The following UPF1 variants were observed in gnomAD, a reference collection of about 807,000 sequenced individuals.
UPF1 encodes the protein regulator of nonsense transcripts 1.
Under a neutral mutation model 129.2 loss-of-function variants are expected in UPF1, and 9 were observed. The observed-to-expected ratio is 0.07, with a 90% CI of 0.04 to 0.12. The LOEUF (loss-of-function observed/expected upper bound fraction) is 0.12, where lower values mean the gene tolerates loss of function less well. Ranked by LOEUF, UPF1 falls within the 10% of genes least tolerant of loss-of-function variation. UPF1 has a pLI of 1.00. For missense variants in UPF1, 788 were observed against 1,525.3 expected (o/e 0.52, Z 8.05); for synonymous variants, 649 against 644.9 (o/e 1.01, Z -0.10).
chr19:18,843,639 A>T (rs918959845), intron 1 of UPF1, among the ~76,000 whole-genome samples: 14 of 143,726 alleles, frequency 9.7e-5, no homozygotes, highest in African/African-American at 3.2e-4. Flanking sequence ...CTGCACGGGG[A>T]TTACAGGTGC....
In UPF1 at chr19:18,860,424, C is replaced by T. The variant is rs1323839352; in HGVS notation, c.2286C>T (p.Thr762=). 7 of 1,614,042 alleles carry T rather than the reference C, an allele frequency of 4.3e-6. No homozygotes were observed. Among genetic ancestry groups the T allele is most frequent in the Non-Finnish European group, 5.9e-6 (7 of 1,180,016 alleles). The change falls in exon 16 of 24, where the codon ACC becomes ACT. Residue 762 remains threonine (T), a synonymous_variant. Transcript: ENST00000262803. ...AAGAGGAGATTGCCAGCTCGGGCAC[C>T]TCCTACCTGAACAGGTGAGCAGGGA... is the stretch of plus-strand genomic sequence containing the variant. The part of the protein sequence containing the change: ...QGQEEIASSG[T]SYLNRTEAAN...
intron 1 of UPF1, among the ~76,000 whole-genome samples, chr19:18,836,998 C>T (rs2055490600): frequency 6.6e-6 from 1 of 151,994 alleles, no homozygotes; most frequent in South Asian, 2.1e-4. Flanking sequence ...GTGTTCCGCC[C>T]TCCTCTACCT....
chr19:18,840,895 G>A (rs1293036507), intron 1 of UPF1, among the ~76,000 whole-genome samples: 1 of 152,244 alleles, frequency 6.6e-6, no homozygotes, highest in Non-Finnish European at 1.5e-5. Flanking sequence ...CCTTTGCCAG[G>A]ATGGTGTCTA....
chr19:18,864,048 G>A (rs2055811547), intron 19 of UPF1, 122 bp from the exon 20 acceptor site: 2 of 841,450 alleles, frequency 2.4e-6, no homozygotes, highest in Non-Finnish European at 4.0e-6. Context: ...TCCAGGGAGA[G>A]CCCCTGGCAC....
intron 1 of UPF1, among the ~76,000 whole-genome samples, chr19:18,833,777 C>T (rs996254729): frequency 6.6e-6 from 1 of 152,190 alleles, no homozygotes; most frequent in Non-Finnish European, 1.5e-5. Context: ...GGAACCACTC[C>T]TTGCTCATCC....
chr19:18,836,972 T>A (rs2055490306), intron 1 of UPF1, among the ~76,000 whole-genome samples: 1 of 151,938 alleles, frequency 6.6e-6, no homozygotes, highest in African/African-American at 2.4e-5. Context: ...CAGGATGGTC[T>A]TGATCTCCTG....
intron 18 of UPF1, chr19:18,862,880 C>T (rs2055796055): frequency 6.5e-6 from 1 of 152,734 alleles, no homozygotes; most frequent in Admixed American, 6.5e-5. Context: ...CATTCACCAG[C>T]TGGAAGTTGG....
chr19:18,847,274 A>G (rs2055610705), intron 2 of UPF1, among the ~76,000 whole-genome samples: 1 of 152,208 alleles, frequency 6.6e-6, no homozygotes. Flanking sequence ...AACCACAGCC[A>G]GTGGTGGGGT....
In UPF1 at chr19:18,866,747, G is replaced by A. The variant is rs1300729503; in HGVS notation, c.*230G>A. The A allele has an allele frequency of 6.6e-6, 1 of 152,506 alleles. No homozygotes were observed. Among genetic ancestry groups the A allele is most frequent in the Admixed American group, 6.5e-5 (1 of 15,294 alleles). 9.4% of individuals were successfully genotyped at this position (152,506 alleles called of 1,614,324 possible). A position where few individuals can be genotyped will look rare whatever the true frequency, so the allele number is the denominator to read the frequency against. On this transcript the variant is annotated 3_prime_UTR_variant, in exon 24 of 24. Transcript: ENST00000262803. Reference sequence around the variant, plus strand: ...GAGCGGAGGAGGGGCCGGCCCGCGGGAGCCGCGGCCACCAGGAGGCCCCGC... The same window carrying A: ...GAGCGGAGGAGGGGCCGGCCCGCGGAAGCCGCGGCCACCAGGAGGCCCCGC...
At chr19:18,862,759 G>A (rs936394533) in intron 18 of UPF1, among the ~76,000 whole-genome samples, 6 of 152,070 alleles carry the variant, frequency 3.9e-5, no homozygotes, top group African/African-American at 1.4e-4. Context: ...TTGTACCTGG[G>A]AGGAGGAGGT....
chr19:18,855,843 G>C, intron 11 of UPF1, 82 bp from the exon 12 acceptor site: 2 of 1,536,952 alleles, frequency 1.3e-6, no homozygotes, highest in South Asian at 1.2e-5. Context: ...GCAAGACCCT[G>C]TCTCAAAAAA....
At position 18,864,207 on chromosome 19, in the gene UPF1, G is replaced by A. The variant is rs761111860; in HGVS notation, c.2813G>A (p.Arg938Gln). The A allele has an allele frequency of 1.9e-6, 3 of 1,613,714 alleles. No homozygotes were observed. The highest frequency in any genetic ancestry group is 2.7e-5 in the African/African-American group (2 of 74,928). Residue 938 changes from arginine (R) to glutamine (Q), a missense_variant, in exon 20 of 24, where the codon CGG becomes CAG. Physicochemically the swap from Arg to Gln is conservative, Grantham distance 43. Transcript: ENST00000262803. ...ATGACCACAGCCATGTATGATGCCC[G>A]GGAGGCCATCATCCCAGGCTCCGTC... ...RFMTTAMYDA[R>Q]EAIIPGSVYD...
intron 1 of UPF1, among the ~76,000 whole-genome samples, chr19:18,844,993 A>T (rs1302036269): frequency 6.6e-6 from 1 of 152,262 alleles, no homozygotes; most frequent in Non-Finnish European, 1.5e-5. Flanking sequence ...CATGCACCCC[A>T]GCCAGGCGGG....
At chr19:18,855,311 TGCTGGG>T in intron 11 of UPF1, 69 bp downstream of exon 11, 1 of 1,542,370 alleles carries the variant, frequency 6.5e-7, no homozygotes, top group Non-Finnish European at 8.8e-7. Flanking sequence ...GAAGGCCTGG[TGCTGGG>T]AGCCTTGGGC....
intron 20 of UPF1, 111 bp downstream of exon 20, chr19:18,864,362 G>A (rs1601131627): frequency 8.1e-6 from 8 of 988,982 alleles, no homozygotes; most frequent in Middle Eastern, 3.1e-4. Context: ...CCTCAAGGGC[G>A]GTGCCTGGCT....
Position 18,868,072 on chromosome 19 carries a change from G to A in UPF1, c.*1555G>A, listed in dbSNP as rs1322385082. 2 of 160,140 alleles carry A rather than the reference G, an allele frequency of 1.2e-5. No homozygotes were observed. Among genetic ancestry groups the A allele is most frequent in the Non-Finnish European group, 2.8e-5 (2 of 72,676 alleles). 9.9% of individuals were successfully genotyped at this position (160,140 alleles called of 1,614,324 possible). On this transcript the variant is annotated 3_prime_UTR_variant, in exon 24 of 24. Coordinates refer to ENST00000262803, the MANE Select transcript of UPF1 (RefSeq NM_002911.4). The stretch of plus-strand genomic sequence containing the variant: ...CCTGCCCCATCCCGGCTGTTGGGCT[G>A]GGCCGCTTTGCCTCTGCTTCGCCCT...
At chr19:18,855,892 G>A (rs754748300) in intron 11 of UPF1, 33 bp from the exon 12 acceptor site, 3 of 1,609,356 alleles carry the variant, frequency 1.9e-6, no homozygotes, top group Non-Finnish European at 2.5e-6. Context: ...GCTTCCTCTG[G>A]GTAAGCACTG....
At chr19:18,858,176 C>T (rs2055739126) in intron 15 of UPF1, among the ~76,000 whole-genome samples, 1 of 152,206 alleles carries the variant, frequency 6.6e-6, no homozygotes, top group Non-Finnish European at 1.5e-5. Context: ...CTTGTGGACA[C>T]ACCCTGGGTA....
Position 18,853,229 on chromosome 19 carries a change from C to G in UPF1, c.1058-23C>G, listed in dbSNP as rs750499737. The G allele has an allele frequency of 6.2e-6, 10 of 1,603,942 alleles. No individual in the cohort carries two copies. The East Asian group carries it at 2.3e-4, about 36-fold the overall frequency. ...CGACGGCGTGGGTTAAAATGGCCAC[C>G]TCTCTCACTTTTTTACCTCAAGACA... On this transcript the variant is annotated intron_variant, in intron 7 of 23. Coordinates refer to ENST00000262803, the MANE Select transcript of UPF1 (RefSeq NM_002911.4). This position sits in a 1 kb window ranked among gnomAD's most constrained non-coding sequence, Gnocchi z 4.4.
Sources: allele counts gnomAD v4.1 joint callset (sites outside exome capture counted in the v4.1 genomes callset), GRCh38; gene constraint gnomAD v4.1.1; non-coding constraint Gnocchi (gnomAD v3.1); transcripts MANE v1.5; gene names NCBI Gene and HGNC (gene_info 2026-07-23, HGNC 2026-07-21).